APTX: variants seen among roughly 807,000 people sequenced by gnomAD.
APTX encodes the protein forkhead-associated domain histidine triad-like protein.
In APTX, 33 loss-of-function variants were observed where a neutral mutation model predicts 42.3. The ratio of observed to expected loss-of-function variants is 0.78; its 90% CI spans 0.59 to 1.04. The LOEUF is 1.04. Ranked by LOEUF, APTX falls within the 50% of genes least tolerant of loss-of-function variation. The pLI is 0.00. For missense variants in APTX, 421 were observed against 415.1 expected, an observed-to-expected ratio of 1.01 and a Z score of -0.12; for synonymous variants, 130 against 146.7, an observed-to-expected ratio of 0.89 and a Z score of 0.82.
upstream of APTX, chr9:33,001,677 G>C (rs756309668): frequency 5.7e-6 from 9 of 1,582,376 alleles, no homozygotes; most frequent in South Asian, 6.7e-5. Flanking sequence ...GACGTCACCA[G>C]CACCTCTCTA....
At chr9:32,993,479 C>T (rs1834116449) in intron 1 of APTX, among the ~76,000 whole-genome samples, 1 of 152,286 alleles carries the variant, frequency 6.6e-6, no homozygotes, top group South Asian at 2.1e-4. Context: ...ATATCTGTAG[C>T]ACCTAATCTA....
intron 1 of APTX, among the ~76,000 whole-genome samples, chr9:32,995,601 C>A (rs533165413): frequency 5.1e-4 from 78 of 152,234 alleles, no homozygotes; most frequent in African/African-American, 1.8e-3. Flanking sequence ...AAAACGCCAA[C>A]AAAGGGCTGG....
intron 1 of APTX, among the ~76,000 whole-genome samples, chr9:33,000,712 C>G (rs979814307): frequency 6.6e-6 from 1 of 151,024 alleles, no homozygotes; most frequent in African/African-American, 2.4e-5. Context: ...GAGCACAAAT[C>G]TGTATTGTCT....
At position 32,973,461 on chromosome 9, in the gene APTX, T is replaced by A. The variant is rs1336367191; in HGVS notation, c.*37A>T. On this transcript the variant is annotated 3_prime_UTR_variant, in exon 8 of 8. Coordinates refer to ENST00000379817, the MANE Select transcript of APTX (RefSeq NM_001195248.2). ...AATAGGTGCCAGCAGTTTGCTCCAG[T>A]GGGCCACACCACAGCAGCAGCTCAG... 1 of 1,612,004 alleles carries A rather than the reference T, an allele frequency of 6.2e-7. No individual in the cohort carries two copies. The highest frequency in any genetic ancestry group is 8.5e-7 in the Non-Finnish European group (1 of 1,178,908).
chr9:32,987,853 AAT>A lies in APTX; in HGVS notation c.181-9_181-8del. 1 of 1,612,814 alleles carries A rather than the reference AAT, an allele frequency of 6.2e-7. No individual in the cohort carries two copies. Among genetic ancestry groups the A allele is most frequent in the Non-Finnish European group, 8.5e-7 (1 of 1,179,934 alleles). ...TGGTGGGATTGACTCCTACCTATGG[AAT>A]AAACAATCAGAAAATAATTATAATA... On this transcript the variant is annotated splice_polypyrimidine_tract_variant and splice_region_variant and intron_variant, in intron 3 of 7. Transcript: ENST00000379817.
In APTX at chr9:32,987,758, A is replaced by T; in HGVS notation, c.269T>A (p.Val90Glu). ...KLQPGQVLHM[V>E]NELYPYIVEF... ...TACAATATATGGATAAAGTTCATTC[A>T]CCATGTGGAGAACCTGGCCAGGCTG... The change falls in exon 4 of 8, where the codon GTG (valine) becomes GAG (glutamate). Residue 90 changes from valine to glutamate, a missense_variant. By Grantham distance (121) the Val-to-Glu change is moderately radical (BLOSUM62 -2). Coordinates refer to ENST00000379817, the MANE Select transcript of APTX (RefSeq NM_001195248.2). The T allele has an allele frequency of 6.2e-7, 1 of 1,614,144 alleles. No homozygotes were observed. The highest frequency in any genetic ancestry group is 8.5e-7 in the Non-Finnish European group (1 of 1,180,026).
chr9:32,993,166 C>T (rs1834034926), intron 1 of APTX, among the ~76,000 whole-genome samples: 1 of 152,204 alleles, frequency 6.6e-6, no homozygotes, highest in Non-Finnish European at 1.5e-5. Context: ...ATAATAAGAA[C>T]TACCCTTTCT....
intron 4 of APTX, among the ~76,000 whole-genome samples, chr9:32,986,595 C>T (rs577546745): frequency 3.3e-5 from 5 of 151,930 alleles, no homozygotes; most frequent in East Asian, 1.9e-4. Context: ...CTCTGCCTCC[C>T]GGGTTCAAGC....
Position 32,986,036 on chromosome 9 carries a change from AAAAAAAC to A in APTX, c.484-13_484-7del. ...CTCCAGTGGCCCAGGGATTCCTAAA[AAAAAAAC>A]AAAAAAAAAAACAAAAAAAAAAAAA... On this transcript the variant is annotated splice_polypyrimidine_tract_variant and splice_region_variant and intron_variant, in intron 4 of 7. Coordinates refer to ENST00000379817, the MANE Select transcript of APTX (RefSeq NM_001195248.2). 4.4e-6 allele frequency: 3 copies of A among 675,602 alleles called. No homozygotes were observed. Among genetic ancestry groups the A allele is most frequent in the Non-Finnish European group, 6.5e-6 (3 of 463,472 alleles). 41.9% of individuals were successfully genotyped at this position (675,602 alleles called of 1,614,324 possible).
chr9:33,001,270 C>A, intron 1 of APTX: 2 of 1,432,014 alleles, frequency 1.4e-6, no homozygotes, highest in Non-Finnish European at 9.2e-7. Flanking sequence ...GGGCCGCCTC[C>A]TTGGTTGGAC....
At chr9:32,986,305 C>T in intron 4 of APTX, 5 of 506,126 alleles carry the variant, frequency 9.9e-6, no homozygotes, top group Admixed American at 8.6e-5. Context: ...AAGTGATTCT[C>T]CTGCCTCAGC....
At chr9:32,991,741 T>C (rs1031154111) in intron 1 of APTX, among the ~76,000 whole-genome samples, 2 of 150,182 alleles carry the variant, frequency 1.3e-5, no homozygotes, top group African/African-American at 4.9e-5. Flanking sequence ...CGCACCATTG[T>C]ATTCCAGCCT....
chr9:33,011,287 TA>T (rs1234012842), intron 1 of APTX, among the ~76,000 whole-genome samples: 1 of 149,796 alleles, frequency 6.7e-6, no homozygotes, highest in Non-Finnish European at 1.5e-5. Context: ...TGGAGCACCA[TA>T]TTTTTTTTTT....
upstream of APTX, among the ~76,000 whole-genome samples, chr9:33,005,607 T>G (rs1837082207): frequency 6.6e-6 from 1 of 151,948 alleles, no homozygotes; most frequent in Admixed American, 6.6e-5. Flanking sequence ...TGGCTAATTT[T>G]TTTTTTAATA....
chr9:33,015,669 T>C (rs544980979), intron 1 of APTX, among the ~76,000 whole-genome samples: 1 of 152,336 alleles, frequency 6.6e-6, no homozygotes, highest in East Asian at 1.9e-4. Flanking sequence ...TATTTTCTTT[T>C]GTTCTGTGTT....
chr9:33,004,016 A>G (rs1836943373), upstream of APTX, among the ~76,000 whole-genome samples: 1 of 152,256 alleles, frequency 6.6e-6, no homozygotes, highest in East Asian at 1.9e-4. Flanking sequence ...ACATGGAACC[A>G]ACCTAAATGC....
At chr9:33,011,515 G>C (rs890207432) in intron 1 of APTX, among the ~76,000 whole-genome samples, 2 of 152,076 alleles carry the variant, frequency 1.3e-5, no homozygotes, top group African/African-American at 2.4e-5. Context: ...TCGAACTCCT[G>C]ACCTTGTGAT....
intron 7 of APTX, 147 bp from the exon 8 acceptor site, chr9:32,973,799 C>A: frequency 9.7e-7 from 1 of 1,034,206 alleles, no homozygotes; most frequent in Non-Finnish European, 1.5e-6. Flanking sequence ...GTTTAGACTT[C>A]CCTCAGGCAA....
chr9:32,980,392 A>C (rs773355094), intron 6 of APTX: 6 of 175,678 alleles, frequency 3.4e-5, no homozygotes, highest in Non-Finnish European at 5.1e-5. Context: ...AATGGGAACC[A>C]CCTTGTCCAA....
Sources: allele counts gnomAD v4.1 joint callset (sites outside exome capture counted in the v4.1 genomes callset), GRCh38; gene constraint gnomAD v4.1.1; transcripts MANE v1.5; gene names NCBI Gene and HGNC (gene_info 2026-07-23, HGNC 2026-07-21).